ZBTB25: variants seen among roughly 807,000 people sequenced by gnomAD.
ZBTB25 encodes zinc finger and BTB domain containing 25, also known as zinc finger and BTB domain-containing protein 25.
Under a neutral mutation model 34.2 loss-of-function variants are expected in ZBTB25, and 20 were observed. The ratio of observed to expected loss-of-function variants is 0.58; its 90% CI spans 0.41 to 0.85. The LOEUF (loss-of-function observed/expected upper bound fraction) is 0.85, where lower values mean the gene tolerates loss of function less well. ZBTB25 is among the 40% of genes least tolerant of loss of function. The pLI, the probability that ZBTB25 is intolerant of heterozygous loss-of-function variation, is 0.00. For missense variants in ZBTB25, 437 were observed against 521.8 expected, an observed-to-expected ratio of 0.84 and a Z score of 1.58; for synonymous variants, 175 against 186.4, an observed-to-expected ratio of 0.94 and a Z score of 0.50.
intron 2 of ZBTB25, chr14:64,471,115 G>T (rs947369927): frequency 1.2e-5 from 2 of 166,220 alleles, no homozygotes; most frequent in African/African-American, 4.9e-5. Flanking sequence ...CATTTTACAT[G>T]AATATTGAAA....
rs1244177088 is a variant in ZBTB25, at chr14:64,481,912, T to G, written c.*5011A>C. 6.6e-6 allele frequency: 1 copy of G among 152,088 alleles called. No homozygotes were observed. Among genetic ancestry groups the G allele is most frequent in the Non-Finnish European group, 1.5e-5 (1 of 68,026 alleles). The allele number at this position is 152,088 out of a possible 1,614,324, so 9.4% of individuals were successfully genotyped here. ...AAAGACACAAATTACATTATGAAAATTCTTCACATGGCCCATTTTTACATC... is the reference window on the plus strand; with the variant it reads ...AAAGACACAAATTACATTATGAAAAGTCTTCACATGGCCCATTTTTACATC... On this transcript the variant is annotated 3_prime_UTR_variant, in exon 3 of 3. Transcript: ENST00000608382.
intron 2 of ZBTB25, among the ~76,000 whole-genome samples, chr14:64,457,164 T>G (rs2078487736): frequency 6.6e-6 from 1 of 152,190 alleles, no homozygotes; most frequent in Non-Finnish European, 1.5e-5. Context: ...TTGGCCCAAG[T>G]TAAAGGATAC....
At chr14:64,472,938 C>T (rs1029660855) in intron 2 of ZBTB25, 6 of 166,902 alleles carry the variant, frequency 3.6e-5, no homozygotes, top group Non-Finnish European at 8.8e-5. Context: ...ATAAATTCTG[C>T]TTTTAATGAA....
At chr14:64,502,862 G>C in intron 1 of ZBTB25, 2 of 982,826 alleles carry the variant, frequency 2.0e-6, no homozygotes, top group Non-Finnish European at 2.4e-6. Context: ...GGCACCTCTC[G>C]GCTCTAAAAT....
intron 2 of ZBTB25, among the ~76,000 whole-genome samples, chr14:64,455,860 A>C (rs1295779996): frequency 2.0e-5 from 3 of 152,204 alleles, no homozygotes; most frequent in Non-Finnish European, 4.4e-5. Flanking sequence ...ATCACATCAC[A>C]GTGGTGCTTA....
chr14:64,496,227 G>C (rs1450941375), intron 1 of ZBTB25, among the ~76,000 whole-genome samples: 4 of 152,110 alleles, frequency 2.6e-5, no homozygotes, highest in African/African-American at 9.7e-5. Context: ...GCTCACGCCT[G>C]TAATCCCAGC....
At chr14:64,454,859 ACC>A in intron 2 of ZBTB25, 6 of 1,614,110 alleles carry the variant, frequency 3.7e-6, no homozygotes, top group Non-Finnish European at 5.1e-6. Context: ...GGTTTTCTGT[ACC>A]CCTTAGTAGG....
chr14:64,494,998 T>C (rs952608452), intron 1 of ZBTB25, among the ~76,000 whole-genome samples: 13 of 152,260 alleles, frequency 8.5e-5, no homozygotes, highest in African/African-American at 7.2e-5. Flanking sequence ...AATTCTCTGC[T>C]GAGATTTCCT....
At chr14:64,457,928 T>TTGC in intron 2 of ZBTB25, 2 of 535,534 alleles carry the variant, frequency 3.7e-6, no homozygotes, top group Middle Eastern at 5.1e-4. Flanking sequence ...AGACATGGCC[T>TTGC]TGCTCTGTCG....
At position 64,500,454 on chromosome 14, in the gene ZBTB25, C is replaced by CAAAAA. The variant is rs374975040; in HGVS notation, c.-8+3202_-8+3206dup. Among the ~76,000 whole-genome samples the CAAAAA allele has an allele frequency of 8.5e-4, 44 of 52,062 alleles. 1 individual carries two copies. Among genetic ancestry groups the CAAAAA allele is most frequent in the African/African-American group, 3.2e-3 (39 of 12,226 alleles). 34.2% of individuals were successfully genotyped at this position (52,062 alleles called of 152,430 possible). On this transcript the variant is annotated intron_variant, in intron 1 of 2. Transcript: ENST00000608382. Reference sequence around the variant, plus strand: ...CTAAGCACTTTTTCTCCCAATAAAGCAAAAAAAAAAAAAAAAAAAAAAGAG... The same window carrying CAAAAA: ...CTAAGCACTTTTTCTCCCAATAAAGCAAAAAAAAAAAAAAAAAAAAAAAAAAAGAG...
intron 1 of ZBTB25, among the ~76,000 whole-genome samples, chr14:64,501,397 G>A (rs2079492502): frequency 6.6e-6 from 1 of 152,188 alleles, no homozygotes; most frequent in Admixed American, 6.5e-5. Flanking sequence ...GAGATAAAAA[G>A]CCAGGTCTGT....
intron 1 of ZBTB25, among the ~76,000 whole-genome samples, chr14:64,497,765 T>A (rs949142405): frequency 2.0e-5 from 3 of 152,232 alleles, no homozygotes; most frequent in African/African-American, 7.2e-5. Flanking sequence ...AAAAATCTAC[T>A]GTACTAGACT....
rs2141019098 is a variant in ZBTB25, at chr14:64,485,866, G to A, written c.*1057C>T. On this transcript the variant is annotated 3_prime_UTR_variant, in exon 3 of 3. Transcript: ENST00000608382. ...TTAAGGTGTCTAAGAAAACACTCTA[G>A]ACCAAGTTAACAACCCTGGGGTTTT... The A allele has an allele frequency of 1.0e-5, 10 of 985,366 alleles. No homozygotes were observed. Among genetic ancestry groups the A allele is most frequent in the Non-Finnish European group, 1.2e-5 (10 of 829,906 alleles). 61.0% of individuals were successfully genotyped at this position (985,366 alleles called of 1,614,324 possible).
intron 2 of ZBTB25, chr14:64,471,310 G>C (rs1566588665): frequency 6.3e-6 from 1 of 157,654 alleles, no homozygotes; most frequent in Non-Finnish European, 1.5e-5. Flanking sequence ...CCACTACAAC[G>C]CTCGGCTAAT....
rs577804838 is a variant in ZBTB25 at position 64,450,850 on chromosome 14, G to A, written c.174-1212C>T. 5.9e-5 allele frequency among the ~76,000 whole-genome samples: 9 copies of A among 152,246 alleles called. No homozygotes were observed. In the South Asian group the frequency reaches 1.9e-3, roughly 32 times the overall value. ...AGCCCCCTGAGTAGGTGGGACCACA[G>A]ACATGTACTACCAAGCCTGGCTAAT... On this transcript the variant is annotated intron_variant, in intron 2 of 2. Transcript: ENST00000555220.
chr14:64,498,293 G>A (rs1209046278), intron 1 of ZBTB25, among the ~76,000 whole-genome samples: 6 of 151,876 alleles, frequency 4.0e-5, no homozygotes, highest in Admixed American at 2.6e-4. Context: ...ATTGCTAGGG[G>A]TGAGGCACAG....
Position 64,482,717 on chromosome 14 carries a change from G to A in ZBTB25, c.*4206C>T, listed in dbSNP as rs1358656648. 1 of 152,188 alleles carries A rather than the reference G, an allele frequency of 6.6e-6. No homozygotes were observed. The highest frequency in any genetic ancestry group is 1.9e-4 in the East Asian group (1 of 5,204). 9.4% of individuals were successfully genotyped at this position (152,188 alleles called of 1,614,324 possible). A position where few individuals can be genotyped will look rare whatever the true frequency, so the allele number is the denominator to read the frequency against. ...CAATGAGTTCTGTCAATTAGTTATT[G>A]AATATTAGATAGTACATTACTGCTT... On this transcript the variant is annotated 3_prime_UTR_variant, in exon 3 of 3. Transcript: ENST00000608382.
chr14:64,468,626 G>A (rs757989095), intron 2 of ZBTB25: 58 of 1,613,780 alleles, frequency 3.6e-5, no homozygotes, highest in Non-Finnish European at 4.8e-5. Flanking sequence ...CACACGGGGG[G>A]CCTGGGCCTC....
intron 2 of ZBTB25, 25 bp from the exon 3 acceptor site, chr14:64,488,082 C>A (rs916671189): frequency 6.3e-7 from 1 of 1,598,888 alleles, no homozygotes; most frequent in Admixed American, 1.7e-5. Flanking sequence ...AACAGACCCA[C>A]AAGAAATGAA....
Sources: allele counts gnomAD v4.1 joint callset (sites outside exome capture counted in the v4.1 genomes callset), GRCh38; gene constraint gnomAD v4.1.1; transcripts MANE v1.5; gene names NCBI Gene and HGNC (gene_info 2026-07-23, HGNC 2026-07-21).